Variants in MMP2 observed in about 807,000 individuals in gnomAD.
The protein encoded by MMP2 is matrix metallopeptidase 2.
A neutral mutation model predicts 74.8 loss-of-function variants in MMP2; 39 were observed. The ratio of observed to expected loss-of-function variants is 0.52; its 90% confidence interval spans 0.40 to 0.68. The LOEUF is 0.68. Among genes scored for constraint, MMP2 ranks in the 30% least tolerant of loss-of-function variants. MMP2 has a pLI of 0.00. For synonymous variants in MMP2, 367 were observed against 339.8 expected, an observed-to-expected ratio of 1.08 and a Z score of -0.88; for missense variants, 803 against 878.3, an observed-to-expected ratio of 0.91 and a Z score of 1.08.
rs559991852 is a variant in MMP2 at position 55,495,260 on chromosome 16, A to G, written c.1473-1666A>G. On this transcript the variant is annotated intron_variant, in intron 9 of 12. Transcript: ENST00000219070. ...TGCTTCATCTGGAGCTCCTCCCACT[A>G]AGAAAGCCCTGACCACACATGCAGA... 3.3e-5 allele frequency among the ~76,000 whole-genome samples: 5 copies of G among 152,312 alleles called. No homozygotes were observed. The East Asian group carries it at 9.7e-4, about 29-fold the overall frequency.
chr16:55,503,190 A>C (rs1466411208), intron 12 of MMP2, among the ~76,000 whole-genome samples: 1 of 152,190 alleles, frequency 6.6e-6, no homozygotes, highest in East Asian at 1.9e-4. Context: ...TGTGCCGTGG[A>C]TTCATTCTGG....
chr16:55,479,912 G>A (rs1026610777), intron 1 of MMP2: 1 of 400,580 alleles, frequency 2.5e-6, no homozygotes, highest in South Asian at 2.7e-5. Flanking sequence ...GGGTGACCTG[G>A]CAAACTACTG....
chr16:55,483,825 T>C (rs1371768959), intron 2 of MMP2, among the ~76,000 whole-genome samples, 191 bp from the exon 3 acceptor site: 1 of 152,128 alleles, frequency 6.6e-6, no homozygotes, highest in Admixed American at 6.5e-5. Flanking sequence ...TACACACACA[T>C]ACACGCAGGC....
intron 11 of MMP2, among the ~76,000 whole-genome samples, chr16:55,499,717 A>G (rs1215847775): frequency 6.6e-6 from 1 of 152,200 alleles, no homozygotes; most frequent in Non-Finnish European, 1.5e-5. Context: ...CTATAGAGAT[A>G]TGTGTATTTG....
intron 11 of MMP2, among the ~76,000 whole-genome samples, 171 bp from the exon 12 acceptor site, chr16:55,502,608 C>G (rs1475748387): frequency 6.6e-6 from 1 of 152,114 alleles, no homozygotes; most frequent in African/African-American, 2.4e-5. Flanking sequence ...GGCTCAGACT[C>G]AGGTCTGATT....
In MMP2 at chr16:55,488,523, C is replaced by T. The variant is rs759785892; in HGVS notation, c.833-20C>T. Reference sequence around the variant, plus strand: ...GAAGCATGTCTCATTCACATCCTTCCCTCTCTCCCCCACCCTTAGCCCTGT... The same window carrying T: ...GAAGCATGTCTCATTCACATCCTTCTCTCTCTCCCCCACCCTTAGCCCTGT... On this transcript the variant is annotated intron_variant, in intron 5 of 12. Transcript: ENST00000219070. 2 of 1,612,282 alleles carry T rather than the reference C, an allele frequency of 1.2e-6. No homozygotes were observed. The highest frequency in any genetic ancestry group is 1.3e-5 in the African/African-American group (1 of 74,920).
At chr16:55,480,370 A>C (rs1962066873) in intron 1 of MMP2, among the ~76,000 whole-genome samples, 1 of 152,118 alleles carries the variant, frequency 6.6e-6, no homozygotes, top group Non-Finnish European at 1.5e-5. Flanking sequence ...ACTTCTCCAA[A>C]GGGTCGGAGA....
rs750120667 is a variant in MMP2, at chr16:55,489,797, C to T, written c.1153C>T (p.Arg385Cys). The change falls in exon 7 of 13, where the codon CGC becomes TGC. Residue 385 changes from arginine to cysteine, a missense_variant. Transcript: ENST00000219070. ...CATTANYDDD[R>C]KWGFCPDQGY... ...GACCACAGCCAACTACGATGATGAC[C>T]GCAAGTGGGGCTTCTGCCCTGACCA... The T allele has an allele frequency of 1.1e-5, 18 of 1,613,976 alleles. No individual in the cohort carries two copies. Among genetic ancestry groups the T allele is most frequent in the African/African-American group, 9.3e-5 (7 of 74,922 alleles).
At chr16:55,483,906 T>TAC (rs755796536) in intron 2 of MMP2, 110 bp from the exon 3 acceptor site, 52 of 1,158,830 alleles carry the variant, frequency 4.5e-5, no homozygotes, top group East Asian at 1.6e-4. Context: ...TATGTTCACA[T>TAC]ACACACACAC....
chr16:55,497,822 G>A (rs1467985400), intron 10 of MMP2, among the ~76,000 whole-genome samples: 1 of 152,152 alleles, frequency 6.6e-6, no homozygotes, highest in Non-Finnish European at 1.5e-5. Context: ...TCTTATGAGG[G>A]GTAAAGAAGG....
chr16:55,493,114 A>T lies in MMP2; in HGVS notation c.1337-44A>T, dbSNP rs11640428. ...CTGGGGGCTCACCCTAGTGGGGAGA[A>T]CCTCTGGAGCTGCAGAGAGTCTAAG... On this transcript the variant is annotated intron_variant, in intron 8 of 12. Transcript: ENST00000219070. The T allele has an allele frequency of 0.42, 672,748 of 1,608,870 alleles. 143,658 individuals carry two copies. Among genetic ancestry groups the T allele is most frequent in the Non-Finnish European group, 0.44 (520,960 of 1,177,688 alleles).
rs145314365 is a variant in MMP2, at chr16:55,481,355, TG to T, written c.154-1553del. On this transcript the variant is annotated intron_variant, in intron 1 of 12. Coordinates refer to ENST00000219070, the MANE Select transcript of MMP2 (RefSeq NM_004530.6). Reference sequence around the variant, plus strand: ...TCACAGCGCTGGTGGGAGTGTCTAATGTATTTAACATGCTAATACATTATAA... The same window carrying T: ...TCACAGCGCTGGTGGGAGTGTCTAATTATTTAACATGCTAATACATTATAA... Among the ~76,000 whole-genome samples, 971 of 152,276 alleles carry T rather than the reference TG, an allele frequency of 6.4e-3. 20 individuals are homozygous for T. The East Asian group carries it at 0.081, about 13-fold the overall frequency.
intron 12 of MMP2, among the ~76,000 whole-genome samples, chr16:55,504,148 A>T (rs767672847): frequency 4.6e-5 from 7 of 151,784 alleles, no homozygotes; most frequent in Non-Finnish European, 4.4e-5. Flanking sequence ...ACAGAGTGAG[A>T]CCTGGTCTCA....
At chr16:55,494,597 AG>A (rs1178631983) in intron 9 of MMP2, among the ~76,000 whole-genome samples, 3 of 152,182 alleles carry the variant, frequency 2.0e-5, no homozygotes, top group Non-Finnish European at 4.4e-5. Flanking sequence ...GGGTATTAAA[AG>A]GTGGGTTTTC....
Position 55,479,449 on chromosome 16 carries a change from C to A in MMP2, c.-31C>A, listed in dbSNP as rs1266939693. 6.8e-7 allele frequency: 1 copy of A among 1,470,532 alleles called. No homozygotes were observed. The allele number at this position is 1,470,532 out of a possible 1,614,324, so 91.1% of individuals were successfully genotyped here. On this transcript the variant is annotated 5_prime_UTR_variant, in exon 1 of 13. Transcript: ENST00000219070. ...CCACACGCACCGAGCCAGCGACCCC[C>A]GGGCGACGCGCGGGGCCAGGGAGCG... is the stretch of plus-strand genomic sequence containing the variant.
chr16:55,500,201 C>G (rs1411927895), intron 11 of MMP2, among the ~76,000 whole-genome samples: 1 of 152,174 alleles, frequency 6.6e-6, no homozygotes, highest in African/African-American at 2.4e-5. Context: ...CACCCACCAG[C>G]TCCAGACACT....
intron 11 of MMP2, among the ~76,000 whole-genome samples, chr16:55,500,251 G>A (rs896093597): frequency 1.1e-4 from 15 of 138,380 alleles, no homozygotes; most frequent in Admixed American, 1.4e-4. Context: ...ACACACACAC[G>A]CGTACTGCGA....
At chr16:55,488,906 A>C in intron 6 of MMP2, 190 bp downstream of exon 6, 1 of 654,574 alleles carries the variant, frequency 1.5e-6, no homozygotes, top group Non-Finnish European at 2.7e-6. Context: ...TGGCCTGGGC[A>C]CTGAAATCAG....
chr16:55,494,122 T>C (rs1259867363), intron 9 of MMP2, among the ~76,000 whole-genome samples: 1 of 152,248 alleles, frequency 6.6e-6, no homozygotes, highest in African/African-American at 2.4e-5. Flanking sequence ...CCATTATTTA[T>C]GATCCAGCCA....
Sources: allele counts gnomAD v4.1 joint callset (sites outside exome capture counted in the v4.1 genomes callset), GRCh38; gene constraint gnomAD v4.1.1; transcripts MANE v1.5; gene names NCBI Gene and HGNC (gene_info 2026-07-23, HGNC 2026-07-21).